Variants in PDE10A observed in about 807,000 individuals in gnomAD.
The protein encoded by PDE10A is cAMP and cAMP-inhibited cGMP 3',5'-cyclic phosphodiesterase 10A.
Under a neutral mutation model 97.7 loss-of-function variants are expected in PDE10A, and 39 were observed. The ratio of observed to expected loss-of-function variants is 0.40; its 90% CI spans 0.31 to 0.52. The LOEUF (loss-of-function observed/expected upper bound fraction) is 0.52, where lower values mean the gene tolerates loss of function less well. Among genes scored for constraint, PDE10A ranks in the 20% least tolerant of loss-of-function variants. The pLI, the probability that PDE10A is intolerant of heterozygous loss-of-function variation, is 0.56. For synonymous variants in PDE10A, 371 were observed against 376.8 expected (o/e 0.98, Z 0.18); for missense variants, 731 against 1,047.8 (o/e 0.70, Z 4.17).
At chr6:165,370,790 G>A (rs1330340330) in intron 18 of PDE10A, among the ~76,000 whole-genome samples, 2 of 149,648 alleles carry the variant, frequency 1.3e-5, no homozygotes, top group Non-Finnish European at 3.0e-5. Flanking sequence ...TTTTCAGCAC[G>A]ACACCACACC....
At chr6:165,678,364 A>G (rs1330366131) in intron 1 of PDE10A, among the ~76,000 whole-genome samples, 2 of 115,924 alleles carry the variant, frequency 1.7e-5, no homozygotes, top group African/African-American at 6.6e-5. Context: ...TGGCTACTAT[A>G]CTTCCCTATG....
chr6:165,923,173 C>T (rs538083044), intron 1 of PDE10A, among the ~76,000 whole-genome samples: 49 of 152,182 alleles, frequency 3.2e-4, no homozygotes, highest in Non-Finnish European at 6.5e-4. Flanking sequence ...ATTAGGAAGT[C>T]ACAAACACGA....
At chr6:165,746,996 A>AG (rs1792858517) in intron 1 of PDE10A, among the ~76,000 whole-genome samples, 1 of 152,194 alleles carries the variant, frequency 6.6e-6, no homozygotes, top group African/African-American at 2.4e-5. Context: ...AAATGCAAAA[A>AG]GTTTTATTAC....
At chr6:165,528,517 T>G (rs934124594) in intron 2 of PDE10A, among the ~76,000 whole-genome samples, 2 of 152,170 alleles carry the variant, frequency 1.3e-5, no homozygotes, top group Non-Finnish European at 2.9e-5. Flanking sequence ...GGCAGTTGAT[T>G]ATATTGGGCC....
chr6:165,800,171 A>G (rs1446447407), intron 1 of PDE10A, among the ~76,000 whole-genome samples: 1 of 152,192 alleles, frequency 6.6e-6, no homozygotes, highest in East Asian at 1.9e-4. Flanking sequence ...GAAGATACTC[A>G]TGCAATTCCC....
At chr6:165,522,814 T>C (rs762127872) in intron 2 of PDE10A, among the ~76,000 whole-genome samples, 2 of 151,894 alleles carry the variant, frequency 1.3e-5, no homozygotes, top group Non-Finnish European at 2.9e-5. Context: ...GACACCAAAA[T>C]AGGAAAAGAA....
chr6:165,726,796 C>T (rs1187858771), intron 1 of PDE10A, among the ~76,000 whole-genome samples: 4 of 143,200 alleles, frequency 2.8e-5, no homozygotes, highest in Non-Finnish European at 4.7e-5. Context: ...ATCGAACCCG[C>T]AGTTCAGCGT....
chr6:165,892,206 T>C (rs972651196), intron 1 of PDE10A, among the ~76,000 whole-genome samples: 8 of 152,064 alleles, frequency 5.3e-5, no homozygotes, highest in African/African-American at 1.9e-4. Flanking sequence ...TGGAGGGAGA[T>C]GGGAGTTGAA....
At chr6:165,383,347 A>G (rs553729415) in intron 17 of PDE10A, among the ~76,000 whole-genome samples, 1 of 152,340 alleles carries the variant, frequency 6.6e-6, no homozygotes, top group South Asian at 2.1e-4. Context: ...ATATTCCAGC[A>G]ATAATGATTC....
At chr6:165,658,467 A>C (rs894310720) in intron 1 of PDE10A, among the ~76,000 whole-genome samples, 1 of 152,046 alleles carries the variant, frequency 6.6e-6, no homozygotes, top group East Asian at 1.9e-4. Context: ...TCATCAGAGT[A>C]GCTAACCAGG....
At chr6:165,693,710 T>C (rs1791369331) in intron 1 of PDE10A, among the ~76,000 whole-genome samples, 1 of 152,130 alleles carries the variant, frequency 6.6e-6, no homozygotes, top group Non-Finnish European at 1.5e-5. Context: ...TTGAACGATG[T>C]TCCCCAATCT....
chr6:165,560,886 G>T (rs1252974370), intron 1 of PDE10A, among the ~76,000 whole-genome samples: 1 of 152,116 alleles, frequency 6.6e-6, no homozygotes, highest in African/African-American at 2.4e-5. Context: ...TCCTGGTGCT[G>T]TCTCGTGATA....
At chr6:165,358,901 ACT>A (rs1244295461) in intron 18 of PDE10A, among the ~76,000 whole-genome samples, 1 of 151,004 alleles carries the variant, frequency 6.6e-6, no homozygotes, top group African/African-American at 2.4e-5. Context: ...TCTTTTTTTT[ACT>A]CTTTTTACAG....
intron 18 of PDE10A, among the ~76,000 whole-genome samples, chr6:165,366,981 A>G (rs1783813435): frequency 6.6e-6 from 1 of 152,196 alleles, no homozygotes; most frequent in Non-Finnish European, 1.5e-5. Flanking sequence ...CCATGTAAAG[A>G]AACTGAAAAA....
intron 10 of PDE10A, among the ~76,000 whole-genome samples, chr6:165,420,947 C>T (rs966270374): frequency 6.6e-6 from 1 of 152,104 alleles, no homozygotes; most frequent in Non-Finnish European, 1.5e-5. Context: ...AAGAAAATCA[C>T]AGATTTACTT....
chr6:165,947,045 C>T (rs1351902796), intron 1 of PDE10A: 2 of 152,186 alleles, frequency 1.3e-5, no homozygotes, highest in Non-Finnish European at 2.9e-5. Context: ...AGGATCCAGT[C>T]AAGGCCCATT....
chr6:165,691,530 A>G (rs1193458725), intron 1 of PDE10A, among the ~76,000 whole-genome samples: 1 of 151,478 alleles, frequency 6.6e-6, no homozygotes, highest in Admixed American at 6.6e-5. Flanking sequence ...CTCAGAATGC[A>G]TCTTCATCAT....
At chr6:165,924,653 C>T (rs1782873933) in intron 1 of PDE10A, among the ~76,000 whole-genome samples, 4 of 152,190 alleles carry the variant, frequency 2.6e-5, no homozygotes, top group African/African-American at 9.6e-5. Context: ...AGTGGTGGGC[C>T]AGCATCCTGT....
intron 2 of PDE10A, among the ~76,000 whole-genome samples, chr6:165,526,248 G>A (rs1782439271): frequency 6.6e-6 from 1 of 152,152 alleles, no homozygotes; most frequent in Non-Finnish European, 1.5e-5. Context: ...TGGTTCTCCA[G>A]TTAAAGTAGG....
Sources: gnomAD v4.1 joint callset for allele counts (sites outside exome capture counted in the v4.1 genomes callset) on GRCh38, gnomAD v4.1.1 for gene constraint, MANE v1.5 for transcripts, NCBI Gene and HGNC (gene_info 2026-07-23, HGNC 2026-07-21) for gene names.